NTF3: variants seen among roughly 807,000 people sequenced by gnomAD.
NTF3 encodes the protein neurotrophin-3.
NTF3 carries 8 observed loss-of-function variants against 26.3 expected under a neutral mutation model. The observed-to-expected ratio is 0.30, with a 90% confidence interval of 0.18 to 0.55. The LOEUF (loss-of-function observed/expected upper bound fraction) is 0.55. Among genes scored for constraint, NTF3 ranks in the 20% least tolerant of loss-of-function variants. NTF3 has a pLI of 0.93. For missense variants in NTF3, 276 were observed against 352.9 expected (o/e 0.78, Z 1.75); for synonymous variants, 154 against 145.5 (o/e 1.06, Z -0.42).
intron 1 of NTF3, among the ~76,000 whole-genome samples, chr12:5,454,056 A>G (rs1229211383): frequency 6.6e-6 from 1 of 152,214 alleles, no homozygotes; most frequent in African/African-American, 2.4e-5. Context: ...GGCTGCCGTA[A>G]CAAAGCACCA....
chr12:5,455,992 G>A (rs1019012873), intron 1 of NTF3, among the ~76,000 whole-genome samples: 7 of 152,106 alleles, frequency 4.6e-5, no homozygotes, highest in African/African-American at 1.7e-4. Context: ...ACAGCTGTGC[G>A]GGCCACTAGA....
intron 1 of NTF3, among the ~76,000 whole-genome samples, chr12:5,454,348 A>G (rs1025827863): frequency 7.2e-5 from 11 of 152,142 alleles, no homozygotes; most frequent in African/African-American, 1.4e-4. Flanking sequence ...TGTCAACCCA[A>G]TTGGATTAAG....
intron 1 of NTF3, among the ~76,000 whole-genome samples, chr12:5,454,652 G>T (rs979915334): frequency 3.9e-5 from 6 of 152,144 alleles, no homozygotes; most frequent in African/African-American, 1.4e-4. Context: ...TAACAACCAG[G>T]GAGGAAAGCA....
chr12:5,450,135 C>T (rs1406098084), intron 1 of NTF3, among the ~76,000 whole-genome samples: 1 of 152,202 alleles, frequency 6.6e-6, no homozygotes, highest in Admixed American at 6.5e-5. Flanking sequence ...TAACTAATCT[C>T]TTGACTCCCA....
intron 1 of NTF3, among the ~76,000 whole-genome samples, chr12:5,484,318 G>A (rs1172044834): frequency 6.6e-6 from 1 of 152,168 alleles, no homozygotes; most frequent in African/African-American, 2.4e-5. Context: ...GAGAAACAGA[G>A]AGGACCAGAA....
At position 5,463,412 on chromosome 12, in the gene NTF3, A is replaced by T. The variant is rs75576726; in HGVS notation, c.19-30782A>T. 6.1e-3 allele frequency among the ~76,000 whole-genome samples: 934 copies of T among 152,306 alleles called. 19 individuals are homozygous for T. The highest frequency in any genetic ancestry group is 0.021 in the African/African-American group (890 of 41,566). ...GTAAAATAGAAGAGCTACAAAAGAGATCATGAAAATATCCAGGGAGTTCGA... is the reference window on the plus strand; with the variant it reads ...GTAAAATAGAAGAGCTACAAAAGAGTTCATGAAAATATCCAGGGAGTTCGA... On this transcript the variant is annotated intron_variant, in intron 1 of 1. Transcript: ENST00000423158.
intron 1 of NTF3, among the ~76,000 whole-genome samples, chr12:5,480,299 T>C (rs1410216103): frequency 6.6e-6 from 1 of 151,652 alleles, no homozygotes; most frequent in Non-Finnish European, 1.5e-5. Flanking sequence ...GAAGTTCGGG[T>C]GGAAAAACAA....
chr12:5,455,215 G>C (rs549869855), intron 1 of NTF3, among the ~76,000 whole-genome samples: 3 of 152,278 alleles, frequency 2.0e-5, no homozygotes, highest in Admixed American at 1.3e-4. Flanking sequence ...AGCCTCCACT[G>C]CTCCCCTCCC....
chr12:5,469,044 C>T (rs1940630147), intron 1 of NTF3, among the ~76,000 whole-genome samples: 1 of 151,876 alleles, frequency 6.6e-6, no homozygotes, highest in Non-Finnish European at 1.5e-5. Context: ...TCGCTTGAGC[C>T]TAGGGGGTCG....
upstream of NTF3, among the ~76,000 whole-genome samples, chr12:5,430,758 C>T (rs546988261): frequency 6.6e-6 from 1 of 152,002 alleles, no homozygotes; most frequent in Non-Finnish European, 1.5e-5. Flanking sequence ...GCTTATTAGA[C>T]ACCTCGAACG....
At chr12:5,442,512 C>T (rs1365862223) in intron 1 of NTF3, among the ~76,000 whole-genome samples, 1 of 152,102 alleles carries the variant, frequency 6.6e-6, no homozygotes, top group Non-Finnish European at 1.5e-5. Flanking sequence ...CACCTCAGGC[C>T]CCTAAGCTGT....
chr12:5,455,365 G>A (rs1479134157), intron 1 of NTF3, among the ~76,000 whole-genome samples: 2 of 152,270 alleles, frequency 1.3e-5, no homozygotes, highest in East Asian at 1.9e-4. Flanking sequence ...CGTAACCCAT[G>A]ACTGCCTGGG....
intron 1 of NTF3, among the ~76,000 whole-genome samples, chr12:5,439,384 C>A (rs1308435402): frequency 6.6e-6 from 1 of 152,218 alleles, no homozygotes; most frequent in Non-Finnish European, 1.5e-5. Flanking sequence ...GCATCCCAAG[C>A]CCATCACCTG....
At chr12:5,435,863 G>C (rs938972839) in intron 1 of NTF3, among the ~76,000 whole-genome samples, 4 of 152,186 alleles carry the variant, frequency 2.6e-5, no homozygotes, top group African/African-American at 9.7e-5. Flanking sequence ...CTTTGGCCTG[G>C]AGTAACGTAA....
chr12:5,467,228 CAAAAAAAAAAAAAAAAAAAAA>C (rs60794349), intron 1 of NTF3, among the ~76,000 whole-genome samples: 2 of 49,542 alleles, frequency 4.0e-5, no homozygotes, highest in Admixed American at 3.3e-4. Context: ...GACTCCGTCT[CAAAAAAAAAAAAAAAAAAAAA>C]AAAAAAAAAA....
intron 1 of NTF3, among the ~76,000 whole-genome samples, chr12:5,461,154 C>A (rs544699206): frequency 6.6e-6 from 1 of 152,148 alleles, no homozygotes; most frequent in African/African-American, 2.4e-5. Context: ...TCAGGATGTG[C>A]GAACCATAAT....
intron 1 of NTF3, among the ~76,000 whole-genome samples, chr12:5,490,293 AGT>A (rs1038800311): frequency 6.6e-6 from 1 of 152,212 alleles, no homozygotes; most frequent in Non-Finnish European, 1.5e-5. Flanking sequence ...GCGCTCATTC[AGT>A]AAATAGACGT....
chr12:5,454,733 T>C lies in NTF3; in HGVS notation c.18+22391T>C, dbSNP rs116197117. ...ATGCCTGCTTTGCTCTTCCAACAAT[T>C]TGGGAATCTCTGGGAGCTGTGCATG... is the stretch of plus-strand genomic sequence containing the variant. On this transcript the variant is annotated intron_variant, in intron 1 of 1. Coordinates refer to ENST00000423158, the MANE Select transcript of NTF3 (RefSeq NM_001102654.2). Among the ~76,000 whole-genome samples, 270 of 152,288 alleles carry C rather than the reference T, an allele frequency of 1.8e-3. 1 individual carries two copies. The highest frequency in any genetic ancestry group is 6.3e-3 in the African/African-American group (263 of 41,562).
chr12:5,444,261 C>T (rs912850655), intron 1 of NTF3, among the ~76,000 whole-genome samples: 7 of 152,146 alleles, frequency 4.6e-5, no homozygotes, highest in African/African-American at 1.4e-4. Flanking sequence ...TTCCAATTGT[C>T]GATTATGTGT....
Sources: gnomAD v4.1 joint callset for allele counts (sites outside exome capture counted in the v4.1 genomes callset) on GRCh38, gnomAD v4.1.1 for gene constraint, MANE v1.5 for transcripts, NCBI Gene and HGNC (gene_info 2026-07-23, HGNC 2026-07-21) for gene names.